AGAP1: variants seen among roughly 807,000 people sequenced by gnomAD.
AGAP1 encodes the protein ArfGAP with GTPase domain, ankyrin repeat and PH domain 1.
AGAP1 carries 29 observed loss-of-function variants against 105.3 expected under a neutral mutation model. The ratio of observed to expected loss-of-function variants is 0.28; its 90% CI spans 0.21 to 0.38. The LOEUF is 0.38. Among genes scored for constraint, AGAP1 ranks in the 10% least tolerant of loss-of-function variants. The pLI is 1.00. For missense variants in AGAP1, 998 were observed against 1,165.1 expected, an observed-to-expected ratio of 0.86 and a Z score of 2.09; for synonymous variants, 509 against 485.9, an observed-to-expected ratio of 1.05 and a Z score of -0.63.
rs946007186 is a variant in AGAP1 at position 235,903,706 on chromosome 2, C to A, written c.1156-5032C>A. ...TCTGGGATTGCCAAGACAAGATGTACACACCTTTCCCTTTGTAGTTTTGGG... is the reference window on the plus strand; with the variant it reads ...TCTGGGATTGCCAAGACAAGATGTAAACACCTTTCCCTTTGTAGTTTTGGG... On this transcript the variant is annotated intron_variant, in intron 10 of 17. Coordinates refer to ENST00000304032, the MANE Select transcript of AGAP1 (RefSeq NM_001037131.3). 2.6e-5 allele frequency among the ~76,000 whole-genome samples: 4 copies of A among 152,278 alleles called. No homozygotes were observed. The South Asian group carries it at 8.3e-4, about 32-fold the overall frequency.
Position 235,600,070 on chromosome 2 carries a change from G to C in AGAP1, c.163+105221G>C, listed in dbSNP as rs1945677834. On this transcript the variant is annotated intron_variant, in intron 1 of 17. Coordinates refer to ENST00000304032, the MANE Select transcript of AGAP1 (RefSeq NM_001037131.3). This position sits in a 1 kb window ranked among gnomAD's most constrained non-coding sequence, Gnocchi z 4.8. The stretch of plus-strand genomic sequence containing the variant: ...TCAGGGGAATATAAACAGCCTCCAG[G>C]GAGCCCCTCTCTCCATCCCAGCCTT... 1.3e-5 allele frequency among the ~76,000 whole-genome samples: 2 copies of C among 152,138 alleles called. No homozygotes were observed. The highest frequency in any genetic ancestry group is 1.3e-4 in the Admixed American group (2 of 15,276).
At chr2:235,990,767 T>C (rs1242005903) in intron 13 of AGAP1, among the ~76,000 whole-genome samples, 1 of 152,144 alleles carries the variant, frequency 6.6e-6, no homozygotes, top group Non-Finnish European at 1.5e-5. Flanking sequence ...AGTGGCAAGG[T>C]TCTAGAAGAG....
intron 16 of AGAP1, among the ~76,000 whole-genome samples, chr2:236,071,243 G>C (rs2058487490): frequency 6.6e-6 from 1 of 152,198 alleles, no homozygotes; most frequent in Non-Finnish European, 1.5e-5. Flanking sequence ...GATTTTTGAA[G>C]TGTCCAACAG....
At position 235,663,903 on chromosome 2, in the gene AGAP1, A is replaced by G. The variant is rs1948043802; in HGVS notation, c.164-45276A>G. On this transcript the variant is annotated intron_variant, in intron 1 of 17. Coordinates refer to ENST00000304032, the MANE Select transcript of AGAP1 (RefSeq NM_001037131.3). This position sits in a 1 kb window ranked among gnomAD's most constrained non-coding sequence, Gnocchi z 5.4. Reference sequence around the variant, plus strand: ...CCTGTTCCCCTGTGCACCCAATACTAGGAAGATTAGATAATGTGTAGGGAT... The same window carrying G: ...CCTGTTCCCCTGTGCACCCAATACTGGGAAGATTAGATAATGTGTAGGGAT... 6.6e-6 allele frequency among the ~76,000 whole-genome samples: 1 copy of G among 152,194 alleles called. No individual in the cohort carries two copies. The highest frequency in any genetic ancestry group is 6.5e-5 in the Admixed American group (1 of 15,280).
In AGAP1 at chr2:236,061,757, A is replaced by G. The variant is rs1351585808; in HGVS notation, c.2114+12476A>G. Among the ~76,000 whole-genome samples the G allele has an allele frequency of 6.6e-6, 1 of 152,004 alleles. No homozygotes were observed. On this transcript the variant is annotated intron_variant, in intron 16 of 17. Coordinates refer to ENST00000304032, the MANE Select transcript of AGAP1 (RefSeq NM_001037131.3). This position sits in a 1 kb window ranked among gnomAD's most constrained non-coding sequence, Gnocchi z 4.1. ...AATGAGTACGAAACTTCTTTTGGAG[A>G]CAACGAAAATGATCTGGATTTACAT...
intron 6 of AGAP1, among the ~76,000 whole-genome samples, chr2:235,779,155 C>G (rs747535277): frequency 1.8e-4 from 28 of 152,232 alleles, no homozygotes; most frequent in Non-Finnish European, 3.2e-4. Context: ...ACAGACTCAT[C>G]TGCAAGGAAG....
intron 6 of AGAP1, among the ~76,000 whole-genome samples, chr2:235,786,757 C>A (rs935252233): frequency 6.6e-6 from 1 of 152,186 alleles, no homozygotes; most frequent in Non-Finnish European, 1.5e-5. Flanking sequence ...GAGAAGAGCA[C>A]AGCTCTCTTA....
chr2:235,892,488 C>A (rs2050590717), intron 10 of AGAP1, among the ~76,000 whole-genome samples: 1 of 151,142 alleles, frequency 6.6e-6, no homozygotes, highest in African/African-American at 2.4e-5. Flanking sequence ...GTTTCAAAAT[C>A]AGACAGAAGA....
chr2:235,787,350 C>G lies in AGAP1; in HGVS notation c.674-10409C>G, dbSNP rs549218036. ...GTTTTTCCTGCTTTAAGTGCCTCTT[C>G]TATGTCTGTGCAACATTCATTAATT... On this transcript the variant is annotated intron_variant, in intron 6 of 17. Coordinates refer to ENST00000304032, the MANE Select transcript of AGAP1 (RefSeq NM_001037131.3). The surrounding 1 kb of genome is among the most constrained non-coding windows in gnomAD (Gnocchi z 4.4). 3.3e-5 allele frequency among the ~76,000 whole-genome samples: 5 copies of G among 152,246 alleles called. No individual in the cohort carries two copies. The highest frequency in any genetic ancestry group is 7.3e-5 in the Non-Finnish European group (5 of 68,038).
chr2:235,634,102 T>A (rs1946916409), intron 1 of AGAP1, among the ~76,000 whole-genome samples: 1 of 152,244 alleles, frequency 6.6e-6, no homozygotes, highest in African/African-American at 2.4e-5. Flanking sequence ...GGGGAAGCGG[T>A]AGCTGAGGCT....
rs1474111031 is a variant in AGAP1, at chr2:236,096,018, T to G, written c.2115-24174T>G. Among the ~76,000 whole-genome samples the G allele has an allele frequency of 1.3e-5, 2 of 150,478 alleles. No individual in the cohort carries two copies. The highest frequency in any genetic ancestry group is 3.0e-5 in the Non-Finnish European group (2 of 66,872). ...TCCCCAGCTTCTGTGCCATGCTTCT[T>G]TATTGTTTTGGGTACTTGGAAATCC... On this transcript the variant is annotated intron_variant, in intron 16 of 17. Coordinates refer to ENST00000304032, the MANE Select transcript of AGAP1 (RefSeq NM_001037131.3). This position sits in a 1 kb window ranked among gnomAD's most constrained non-coding sequence, Gnocchi z 4.4.
At chr2:235,903,866 G>A (rs1575740705) in intron 10 of AGAP1, among the ~76,000 whole-genome samples, 1 of 152,182 alleles carries the variant, frequency 6.6e-6, no homozygotes, top group Admixed American at 6.5e-5. Context: ...TGAAATTCTA[G>A]GACAACGTGA....
At chr2:235,778,884 C>T (rs1956079072) in intron 6 of AGAP1, among the ~76,000 whole-genome samples, 1 of 152,234 alleles carries the variant, frequency 6.6e-6, no homozygotes, top group Admixed American at 6.5e-5. Context: ...TCTGTGGCCT[C>T]TCCAGCCCCG....
At chr2:235,939,479 C>A (rs919658084) in intron 12 of AGAP1, among the ~76,000 whole-genome samples, 2 of 152,116 alleles carry the variant, frequency 1.3e-5, no homozygotes, top group Non-Finnish European at 2.9e-5. Flanking sequence ...CTTCAGCTTA[C>A]ATACCTGCTC....
intron 16 of AGAP1, among the ~76,000 whole-genome samples, chr2:236,108,972 C>G (rs917510964): frequency 2.0e-5 from 3 of 152,174 alleles, no homozygotes; most frequent in African/African-American, 7.2e-5. Context: ...AACCTTATTA[C>G]CCCTTGACAA....
intron 11 of AGAP1, 119 bp downstream of exon 11, chr2:235,909,025 A>G (rs1410701877): frequency 2.0e-6 from 2 of 1,014,598 alleles, no homozygotes; most frequent in Admixed American, 2.7e-5. Context: ...TTACAGATTA[A>G]GGTTTAGAAA....
At position 235,686,640 on chromosome 2, in the gene AGAP1, TATATAGATATATATATATATATA is replaced by T. The variant is rs1210800405; in HGVS notation, c.164-22538_164-22516del. ...ATATAGATATATATATATATATATA[TATATAGATATATATATATATATA>T]TATTTTTTTTTTTTTTTAGACAGAG... On this transcript the variant is annotated intron_variant, in intron 1 of 17. Coordinates refer to ENST00000304032, the MANE Select transcript of AGAP1 (RefSeq NM_001037131.3). 8.6e-3 allele frequency among the ~76,000 whole-genome samples: 417 copies of T among 48,634 alleles called. 18 individuals carry two copies. The highest frequency in any genetic ancestry group is 0.039 in the African/African-American group (369 of 9,568). The allele number at this position is 48,634 out of a possible 152,430, so 31.9% of individuals were successfully genotyped here. A position where few individuals can be genotyped will look rare whatever the true frequency, so the allele number is the denominator to read the frequency against.
intron 16 of AGAP1, among the ~76,000 whole-genome samples, chr2:236,118,056 G>T (rs1386289360): frequency 6.6e-6 from 1 of 152,126 alleles, no homozygotes; most frequent in East Asian, 1.9e-4. Flanking sequence ...TTTACTCCTG[G>T]AAGAATTTGT....
In AGAP1 at chr2:236,080,611, T is replaced by C. The variant is rs1399313485; in HGVS notation, c.2114+31330T>C. Among the ~76,000 whole-genome samples the C allele has an allele frequency of 6.6e-6, 1 of 152,248 alleles. No individual in the cohort carries two copies. Among genetic ancestry groups the C allele is most frequent in the Non-Finnish European group, 1.5e-5 (1 of 68,048 alleles). On this transcript the variant is annotated intron_variant, in intron 16 of 17. Coordinates refer to ENST00000304032, the MANE Select transcript of AGAP1 (RefSeq NM_001037131.3). This position sits in a 1 kb window ranked among gnomAD's most constrained non-coding sequence, Gnocchi z 4.2. ...CCTTCTCTTCCTAATAGGGTAGGTA[T>C]AAGATTCCCATTGCTGCTGTAACAA...
Sources: allele counts gnomAD v4.1 joint callset (sites outside exome capture counted in the v4.1 genomes callset), GRCh38; gene constraint gnomAD v4.1.1; non-coding constraint Gnocchi (gnomAD v3.1); transcripts MANE v1.5; gene names NCBI Gene and HGNC (gene_info 2026-07-23, HGNC 2026-07-21).